Variants in IQCH observed in about 807,000 individuals in gnomAD.
IQCH encodes IQ domain-containing protein H.
In IQCH, 98 loss-of-function variants were observed where a neutral mutation model predicts 117.0. The ratio of observed to expected loss-of-function variants is 0.84; its 90% CI spans 0.71 to 0.99. The LOEUF (loss-of-function observed/expected upper bound fraction) is 0.99, where lower values mean the gene tolerates loss of function less well. Ranked by LOEUF, IQCH falls within the 50% of genes least tolerant of loss-of-function variation. The pLI is 0.00. For missense variants in IQCH, 1,102 were observed against 1,243.8 expected, an observed-to-expected ratio of 0.89 and a Z score of 1.72; for synonymous variants, 412 against 448.2, an observed-to-expected ratio of 0.92 and a Z score of 1.02.
Position 67,425,882 on chromosome 15 carries a change from T to C in IQCH, c.2505+4305T>C, listed in dbSNP as rs1362243935. 6.6e-6 allele frequency among the ~76,000 whole-genome samples: 1 copy of C among 152,228 alleles called. No individual in the cohort carries two copies. Among genetic ancestry groups the C allele is most frequent in the Non-Finnish European group, 1.5e-5 (1 of 68,042 alleles). ...TCTCATTTATGCCTGTAGGTCTGTA[T>C]GTATTTATGTCAGTATGAAGTCATG... On this transcript the variant is annotated intron_variant, in intron 16 of 20. Coordinates refer to ENST00000335894, the MANE Select transcript of IQCH (RefSeq NM_001031715.3). The surrounding 1 kb of genome is among the most constrained non-coding windows in gnomAD (Gnocchi z 5.5).
intron 4 of IQCH, among the ~76,000 whole-genome samples, chr15:67,322,789 G>T (rs1309515923): frequency 7.4e-5 from 2 of 27,090 alleles, no homozygotes; most frequent in African/African-American, 1.7e-4. Context: ...GGATGTGGGG[G>T]GTGGTTCCCC....
chr15:67,351,253 C>G (rs796076430), intron 6 of IQCH, among the ~76,000 whole-genome samples: 5 of 152,040 alleles, frequency 3.3e-5, no homozygotes, highest in African/African-American at 7.3e-5. Flanking sequence ...CCCCCACCCC[C>G]CAACAGTCCC....
intron 16 of IQCH, among the ~76,000 whole-genome samples, chr15:67,442,398 G>A (rs185006470): frequency 5.3e-5 from 8 of 150,562 alleles, no homozygotes; most frequent in Admixed American, 6.6e-5. Flanking sequence ...CAACAGGAGC[G>A]AAACTCCATC....
In IQCH at chr15:67,403,519, C is replaced by G. The variant is rs1971755908; in HGVS notation, c.2097+3214C>G. ...CTATTCTCTTCATCCTACCAGCTAACAAAACCTACTTCCCCCAACAAGTTC... is the reference window on the plus strand; with the variant it reads ...CTATTCTCTTCATCCTACCAGCTAAGAAAACCTACTTCCCCCAACAAGTTC... On this transcript the variant is annotated intron_variant, in intron 14 of 20. Coordinates refer to ENST00000335894, the MANE Select transcript of IQCH (RefSeq NM_001031715.3). This position sits in a 1 kb window ranked among gnomAD's most constrained non-coding sequence, Gnocchi z 4.8. 6.6e-6 allele frequency: 1 copy of G among 152,162 alleles called. No homozygotes were observed. The highest frequency in any genetic ancestry group is 2.4e-5 in the African/African-American group (1 of 41,426). 9.4% of individuals were successfully genotyped at this position (152,162 alleles called of 1,614,324 possible).
At position 67,372,313 on chromosome 15, in the gene IQCH, T is replaced by C. The variant is rs1338074654; in HGVS notation, c.956T>C (p.Ile319Thr). The C allele has an allele frequency of 6.2e-7, 1 of 1,614,022 alleles. No homozygotes were observed. Among genetic ancestry groups the C allele is most frequent in the Non-Finnish European group, 8.5e-7 (1 of 1,180,008 alleles). The change falls in exon 9 of 21, where the codon ATA (isoleucine) becomes ACA (threonine). Residue 319 changes from isoleucine (I) to threonine (T), a missense_variant. By Grantham distance (89) the Ile-to-Thr change is moderately conservative (BLOSUM62 -1). Coordinates refer to ENST00000335894, the MANE Select transcript of IQCH (RefSeq NM_001031715.3). Reference sequence around the variant, plus strand: ...AACTATGCTATACCAGAAGTCAAAATAAAAGGGAATAATTTGGTGGCCCTC... The same window carrying C: ...AACTATGCTATACCAGAAGTCAAAACAAAAGGGAATAATTTGGTGGCCCTC... ...LRNYAIPEVK[I>T]KGNNLVALLP...
chr15:67,482,445 C>T (rs900451884), intron 18 of IQCH, among the ~76,000 whole-genome samples: 6 of 152,090 alleles, frequency 3.9e-5, no homozygotes, highest in Admixed American at 2.0e-4. Flanking sequence ...GAGAGCCAGA[C>T]CTGATCTAGA....
chr15:67,415,727 C>T (rs1389910086), intron 14 of IQCH, among the ~76,000 whole-genome samples: 1 of 152,066 alleles, frequency 6.6e-6, no homozygotes, highest in Non-Finnish European at 1.5e-5. Flanking sequence ...ATTACTGCAC[C>T]ATCACTCAGA....
chr15:67,484,019 C>A (rs887493496), intron 18 of IQCH, among the ~76,000 whole-genome samples: 3 of 152,164 alleles, frequency 2.0e-5, no homozygotes, highest in African/African-American at 7.2e-5. Flanking sequence ...GGACCAAACT[C>A]TAGGAGTAAG....
rs1376131365 is a variant in IQCH at position 67,466,242 on chromosome 15, G to C, written c.2676+945G>C. ...ATGGGGACAGTGGGTGCTTGATTGA[G>C]TAGGCTAGGTTGGTCATGGAGAGAG... On this transcript the variant is annotated intron_variant, in intron 17 of 20. Coordinates refer to ENST00000335894, the MANE Select transcript of IQCH (RefSeq NM_001031715.3). This position sits in a 1 kb window ranked among gnomAD's most constrained non-coding sequence, Gnocchi z 4.4. Among the ~76,000 whole-genome samples the C allele has an allele frequency of 6.6e-6, 1 of 152,164 alleles. No individual in the cohort carries two copies. The highest frequency in any genetic ancestry group is 2.4e-5 in the African/African-American group (1 of 41,444).
intron 6 of IQCH, among the ~76,000 whole-genome samples, chr15:67,353,247 G>GA (rs765826229): frequency 3.7e-4 from 56 of 149,970 alleles, no homozygotes; most frequent in African/African-American, 1.0e-3. Context: ...AGTAAACTGG[G>GA]AAAAAAAATG....
intron 15 of IQCH, 53 bp from the exon 16 acceptor site, chr15:67,421,238 A>C: frequency 7.3e-6 from 11 of 1,496,856 alleles, no homozygotes; most frequent in Non-Finnish European, 1.0e-5. Context: ...ATCTGAGCCC[A>C]AGTCAAACAA....
intron 4 of IQCH, among the ~76,000 whole-genome samples, chr15:67,313,572 C>T (rs892937827): frequency 1.3e-5 from 2 of 151,984 alleles, no homozygotes; most frequent in Admixed American, 1.3e-4. Context: ...ATTTTAAGTA[C>T]CAGAAGCAAT....
chr15:67,461,321 G>A (rs931105339), intron 16 of IQCH, among the ~76,000 whole-genome samples: 5 of 152,238 alleles, frequency 3.3e-5, no homozygotes, highest in Middle Eastern at 3.2e-3. Flanking sequence ...CCAGCCTCAA[G>A]TGACCCACCT....
rs2081931838 is a variant in IQCH, at chr15:67,427,971, G to T, written c.2505+6394G>T. Among the ~76,000 whole-genome samples the T allele has an allele frequency of 6.6e-6, 1 of 151,984 alleles. No homozygotes were observed. Among genetic ancestry groups the T allele is most frequent in the Non-Finnish European group, 1.5e-5 (1 of 68,018 alleles). On this transcript the variant is annotated intron_variant, in intron 16 of 20. Coordinates refer to ENST00000335894, the MANE Select transcript of IQCH (RefSeq NM_001031715.3). This position sits in a 1 kb window ranked among gnomAD's most constrained non-coding sequence, Gnocchi z 4.7. ...AGCCTCCTGAGTAGCTGGGATTACA[G>T]GCACACACCACACCTGACTAACTTT...
rs1971896637 is a variant in IQCH, at chr15:67,406,215, A to G, written c.2097+5910A>G. 6.6e-6 allele frequency: 1 copy of G among 152,228 alleles called. No individual in the cohort carries two copies. Among genetic ancestry groups the G allele is most frequent in the African/African-American group, 2.4e-5 (1 of 41,454 alleles). The allele number at this position is 152,228 out of a possible 1,614,324, so 9.4% of individuals were successfully genotyped here. On this transcript the variant is annotated intron_variant, in intron 14 of 20. Coordinates refer to ENST00000335894, the MANE Select transcript of IQCH (RefSeq NM_001031715.3). This position sits in a 1 kb window ranked among gnomAD's most constrained non-coding sequence, Gnocchi z 4.5. ...CACAATCAGATGTAGCATTAAAAATATGGTAAGCATTTAAAACCCTTGTTT... is the reference window on the plus strand; with the variant it reads ...CACAATCAGATGTAGCATTAAAAATGTGGTAAGCATTTAAAACCCTTGTTT...
At position 67,493,145 on chromosome 15, in the gene IQCH, T is replaced by G. The variant is rs1357387335; in HGVS notation, c.2862-1113T>G. Among the ~76,000 whole-genome samples the G allele has an allele frequency of 6.6e-6, 1 of 152,202 alleles. No homozygotes were observed. The highest frequency in any genetic ancestry group is 2.4e-5 in the African/African-American group (1 of 41,452). Reference sequence around the variant, plus strand: ...GACCTCTCGAAAGCCTTTAGTCCTTTTCTACTGTTTTCTGCCCATCTTAAT... The same window carrying G: ...GACCTCTCGAAAGCCTTTAGTCCTTGTCTACTGTTTTCTGCCCATCTTAAT... On this transcript the variant is annotated intron_variant, in intron 19 of 20. Transcript: ENST00000335894. The surrounding 1 kb of genome is among the most constrained non-coding windows in gnomAD (Gnocchi z 5.1).
rs562032603 is a variant in IQCH at position 67,490,639 on chromosome 15, C to A, written c.2861+575C>A. Among the ~76,000 whole-genome samples, 112 of 152,308 alleles carry A rather than the reference C, an allele frequency of 7.4e-4. No homozygotes were observed. The highest frequency in any genetic ancestry group is 1.2e-3 in the Non-Finnish European group (83 of 68,022). On this transcript the variant is annotated intron_variant, in intron 19 of 20. Transcript: ENST00000335894. The surrounding 1 kb of genome is among the most constrained non-coding windows in gnomAD (Gnocchi z 4.9). ...AAATGCATACACAGATAAGGCACAT[C>A]AGATCTCACTGATGGGGACCCAGCT...
intron 2 of IQCH, 30 bp from the exon 3 acceptor site, chr15:67,263,092 A>G: frequency 8.6e-7 from 1 of 1,166,240 alleles, no homozygotes; most frequent in Non-Finnish European, 1.3e-6. Context: ...GTCCACAATA[A>G]TTGCCTAAAC....
At position 67,454,602 on chromosome 15, in the gene IQCH, A is replaced by G. The variant is rs1030660208; in HGVS notation, c.2506-10525A>G. Among the ~76,000 whole-genome samples, 1 of 152,212 alleles carries G rather than the reference A, an allele frequency of 6.6e-6. No homozygotes were observed. Among genetic ancestry groups the G allele is most frequent in the Non-Finnish European group, 1.5e-5 (1 of 68,044 alleles). On this transcript the variant is annotated intron_variant, in intron 16 of 20. Coordinates refer to ENST00000335894, the MANE Select transcript of IQCH (RefSeq NM_001031715.3). The surrounding 1 kb of genome is among the most constrained non-coding windows in gnomAD (Gnocchi z 5.2). The stretch of plus-strand genomic sequence containing the variant: ...TCACAGCCACTGGAAAACATTTTCC[A>G]TCTCCATGGATTTCCCTATTCTAGG...
Sources: allele counts gnomAD v4.1 joint callset (sites outside exome capture counted in the v4.1 genomes callset), GRCh38; gene constraint gnomAD v4.1.1; non-coding constraint Gnocchi (gnomAD v3.1); transcripts MANE v1.5; gene names NCBI Gene and HGNC (gene_info 2026-07-23, HGNC 2026-07-21).